Variants in FGD4 observed in about 807,000 individuals in gnomAD.
FGD4 encodes FYVE, RhoGEF and PH domain containing 4.
In FGD4, 42 loss-of-function variants were observed where a neutral mutation model predicts 102.0. The observed-to-expected ratio is 0.41, with a 90% CI of 0.32 to 0.53. FGD4 has a LOEUF of 0.53. Ranked by LOEUF, FGD4 falls within the 20% of genes least tolerant of loss-of-function variation. The pLI is 0.21. For synonymous variants in FGD4, 380 were observed against 375.7 expected (o/e 1.01, Z -0.13); for missense variants, 902 against 1,078.2 (o/e 0.84, Z 2.29).
At chr12:32,415,529 T>C (rs934881237) in intron 1 of FGD4, among the ~76,000 whole-genome samples, 1 of 150,290 alleles carries the variant, frequency 6.7e-6, no homozygotes, top group Non-Finnish European at 1.5e-5. Flanking sequence ...TTCACGCCAT[T>C]CTCCTGCCTC....
At chr12:32,597,286 G>T (rs931578156) in intron 4 of FGD4, among the ~76,000 whole-genome samples, 3 of 152,194 alleles carry the variant, frequency 2.0e-5, no homozygotes, top group Non-Finnish European at 2.9e-5. Flanking sequence ...AGAGATGAGC[G>T]AAACAGGGTG....
intron 1 of FGD4, among the ~76,000 whole-genome samples, chr12:32,486,415 A>G (rs7977293): frequency 0.65 from 98,261 of 152,100 alleles, 33,002 homozygotes; most frequent in Middle Eastern, 0.84. Context: ...CTGTGAGTTC[A>G]TAGCACAGAG....
chr12:32,599,867 GTT>G (rs1948253562), intron 5 of FGD4, among the ~76,000 whole-genome samples: 1 of 151,858 alleles, frequency 6.6e-6, no homozygotes, highest in South Asian at 2.1e-4. Context: ...TCCTAATCCT[GTT>G]TCAGCAATAA....
intron 1 of FGD4, among the ~76,000 whole-genome samples, chr12:32,491,721 G>T (rs1944100866): frequency 1.3e-5 from 2 of 152,104 alleles, no homozygotes; most frequent in South Asian, 4.1e-4. Flanking sequence ...GGGCTATAAT[G>T]TTCCTAGGTA....
chr12:32,618,980 C>T (rs1949624296), intron 10 of FGD4, among the ~76,000 whole-genome samples: 1 of 152,158 alleles, frequency 6.6e-6, no homozygotes, highest in African/African-American at 2.4e-5. Context: ...ATATTACTGT[C>T]TTCTAACACC....
chr12:32,500,191 G>A (rs80246549), intron 1 of FGD4, among the ~76,000 whole-genome samples: 1,546 of 152,188 alleles, frequency 0.01, 21 homozygotes, highest in African/African-American at 0.035. Flanking sequence ...CAAGGGCAAA[G>A]AGCATAAGTT....
At chr12:32,538,021 C>G (rs1249111515) in intron 1 of FGD4, among the ~76,000 whole-genome samples, 1 of 152,194 alleles carries the variant, frequency 6.6e-6, no homozygotes, top group Non-Finnish European at 1.5e-5. Flanking sequence ...TCAGCCTCCA[C>G]AGTAGCCAGG....
intron 1 of FGD4, among the ~76,000 whole-genome samples, chr12:32,515,800 T>C (rs1224108489): frequency 2.0e-5 from 3 of 152,194 alleles, no homozygotes; most frequent in Non-Finnish European, 2.9e-5. Context: ...TTTGCAGATA[T>C]ATGTAGGTAC....
intron 15 of FGD4, among the ~76,000 whole-genome samples, chr12:32,636,864 A>AT (rs1287755500): frequency 1.4e-5 from 2 of 145,184 alleles, no homozygotes; most frequent in East Asian, 2.0e-4. Context: ...TTTTTTCAGT[A>AT]TTTTTTTTCT....
intron 1 of FGD4, among the ~76,000 whole-genome samples, chr12:32,440,850 C>G (rs376046879): frequency 1.3e-5 from 2 of 152,364 alleles, no homozygotes; most frequent in Admixed American, 6.5e-5. Context: ...TGAGCTGGCA[C>G]TCAAACCACC....
At chr12:32,454,857 G>A (rs1942908349) in intron 1 of FGD4, among the ~76,000 whole-genome samples, 1 of 152,058 alleles carries the variant, frequency 6.6e-6, no homozygotes, top group Non-Finnish European at 1.5e-5. Context: ...TGTATCCTGT[G>A]ATTTTTAAAT....
chr12:32,523,519 T>C lies in FGD4; in HGVS notation c.167-40618T>C, dbSNP rs1940768358. Among the ~76,000 whole-genome samples the C allele has an allele frequency of 2.0e-5, 3 of 152,076 alleles. 1 individual carries two copies. The South Asian group carries it at 6.2e-4, about 32-fold the overall frequency. On this transcript the variant is annotated intron_variant, in intron 1 of 16. Transcript: ENST00000534526. ...GTGGACCGAGGACTGTCATGGTAGG[T>C]ATGGATGAAAGAGATGGGGTTAAAG...
At chr12:32,612,395 G>A (rs1317860737) in intron 10 of FGD4, among the ~76,000 whole-genome samples, 1 of 152,174 alleles carries the variant, frequency 6.6e-6, no homozygotes, top group Non-Finnish European at 1.5e-5. Flanking sequence ...ACCAAGCGCA[G>A]CCTGCCAGGC....
intron 11 of FGD4, among the ~76,000 whole-genome samples, chr12:32,624,018 G>A (rs1249712043): frequency 1.3e-5 from 2 of 152,156 alleles, no homozygotes; most frequent in Non-Finnish European, 2.9e-5. Flanking sequence ...GATTCTCAAA[G>A]ATAATTATTA....
chr12:32,557,520 T>C (rs942909942), intron 1 of FGD4, among the ~76,000 whole-genome samples: 2 of 152,248 alleles, frequency 1.3e-5, no homozygotes, highest in Non-Finnish European at 2.9e-5. Context: ...TATAGTGTTA[T>C]ATTTACCTTT....
At chr12:32,530,075 G>A (rs1051700298) in intron 1 of FGD4, among the ~76,000 whole-genome samples, 4 of 152,002 alleles carry the variant, frequency 2.6e-5, no homozygotes, top group Non-Finnish European at 4.4e-5. Flanking sequence ...GGAAGTGCAG[G>A]TTGCCTATAA....
At chr12:32,604,939 T>C (rs917623578) in intron 7 of FGD4, among the ~76,000 whole-genome samples, 1 of 140,696 alleles carries the variant, frequency 7.1e-6, no homozygotes, top group Non-Finnish European at 1.5e-5. Flanking sequence ...ATAGCTGCTT[T>C]TTTTTTTTTT....
In FGD4 at chr12:32,410,200, C is replaced by T. The variant is rs1235416330; in HGVS notation, c.166+10241C>T. Among the ~76,000 whole-genome samples the T allele has an allele frequency of 3.3e-5, 5 of 152,000 alleles. No individual in the cohort carries two copies. In the South Asian group the frequency reaches 6.2e-4, roughly 19 times the overall value. ...AAAATTAGCCGGGTCTGGTGGCGGG[C>T]GCCTGCAGTCCCAGCTACTCGGGAG... On this transcript the variant is annotated intron_variant, in intron 1 of 16. Transcript: ENST00000534526.
intron 1 of FGD4, among the ~76,000 whole-genome samples, chr12:32,521,482 C>A (rs900986277): frequency 3.3e-5 from 5 of 151,646 alleles, no homozygotes; most frequent in Non-Finnish European, 7.4e-5. Context: ...TATGTAGAGA[C>A]CTTAACGTCA....
Sources: allele counts gnomAD v4.1 joint callset (sites outside exome capture counted in the v4.1 genomes callset), GRCh38; gene constraint gnomAD v4.1.1; transcripts MANE v1.5; gene names NCBI Gene and HGNC (gene_info 2026-07-23, HGNC 2026-07-21).